Variants in VTI1A observed in about 807,000 individuals in gnomAD.
VTI1A encodes the protein vesicle transport through interaction with t-SNAREs 1A, also known as vesicle transport through interaction with t-SNAREs homolog 1A.
Under a neutral mutation model 34.9 loss-of-function variants are expected in VTI1A, and 22 were observed. The observed-to-expected ratio is 0.63, with a 90% CI of 0.45 to 0.90. The LOEUF is 0.90. VTI1A is among the 40% of genes least tolerant of loss of function. The pLI is 0.00. For synonymous variants in VTI1A, 87 were observed against 97.3 expected (o/e 0.89, Z 0.62); for missense variants, 268 against 275.6 (o/e 0.97, Z 0.20).
At chr10:112,555,471 C>G (rs1471861620) in intron 5 of VTI1A, among the ~76,000 whole-genome samples, 2 of 152,064 alleles carry the variant, frequency 1.3e-5, no homozygotes, top group African/African-American at 4.8e-5. Context: ...ATGCTTTTAA[C>G]TTCCTTGGCC....
downstream of VTI1A, among the ~76,000 whole-genome samples, chr10:112,823,021 A>T (rs1853681986): frequency 6.6e-6 from 1 of 152,174 alleles, no homozygotes; most frequent in African/African-American, 2.4e-5. Flanking sequence ...TCAAAATCAC[A>T]TTGCGATGCC....
Position 112,818,598 on chromosome 10 carries a change from G to A in VTI1A, c.*3215G>A, listed in dbSNP as rs1038330748. 4 of 220,960 alleles carry A rather than the reference G, an allele frequency of 1.8e-5. No homozygotes were observed. Among genetic ancestry groups the A allele is most frequent in the Non-Finnish European group, 3.6e-5 (4 of 110,090 alleles). The allele number at this position is 220,960 out of a possible 1,614,324, so 13.7% of individuals were successfully genotyped here. A position where few individuals can be genotyped will look rare whatever the true frequency, so the allele number is the denominator to read the frequency against. ...ACTGACAGCCGTCAGTCCCAGAGGG[G>A]CTCATTAAATCATAAAAACTTGACA... On this transcript the variant is annotated 3_prime_UTR_variant, in exon 8 of 8. Transcript: ENST00000393077.
At chr10:112,833,121 A>G in the VTI1A span, among the ~76,000 whole-genome samples, 1 of 152,260 alleles carries the variant, frequency 6.6e-6, no homozygotes, top group South Asian at 2.1e-4. Flanking sequence ...GCATGTGGCA[A>G]GAGGTCCTCT....
chr10:112,692,701 A>G (rs1384890450), intron 7 of VTI1A, among the ~76,000 whole-genome samples: 1 of 152,130 alleles, frequency 6.6e-6, no homozygotes, highest in Non-Finnish European at 1.5e-5. Flanking sequence ...CTAGCTATGC[A>G]TTTTTTCACA....
chr10:112,805,861 G>T (rs1259449299), intron 7 of VTI1A, among the ~76,000 whole-genome samples: 7 of 152,128 alleles, frequency 4.6e-5, no homozygotes, highest in African/African-American at 1.7e-4. Context: ...TTGGACTTCT[G>T]GCCTCCAGAA....
At chr10:112,838,201 CTG>C in the VTI1A span, among the ~76,000 whole-genome samples, 1 of 152,200 alleles carries the variant, frequency 6.6e-6, no homozygotes, top group South Asian at 2.1e-4. Flanking sequence ...CCCCACTGCT[CTG>C]TGTATTCTGC....
chr10:112,524,170 T>C (rs1202278055), intron 3 of VTI1A, among the ~76,000 whole-genome samples: 6 of 152,126 alleles, frequency 3.9e-5, no homozygotes, highest in Non-Finnish European at 8.8e-5. Context: ...TCTTGCAGGC[T>C]AAGTTATGGT....
chr10:112,582,893 A>G (rs1247299445), intron 5 of VTI1A, among the ~76,000 whole-genome samples: 1 of 152,120 alleles, frequency 6.6e-6, no homozygotes, highest in Non-Finnish European at 1.5e-5. Flanking sequence ...TCTTGGCTGT[A>G]AAAAACCTCC....
Position 112,447,315 on chromosome 10 carries a change from C to T in VTI1A, c.-59C>T, listed in dbSNP as rs909782969. On this transcript the variant is annotated 5_prime_UTR_variant, in exon 1 of 8. Coordinates refer to ENST00000393077, the MANE Select transcript of VTI1A (RefSeq NM_145206.4). Reference sequence around the variant, plus strand: ...CCTAAGCCGCGGGGCCCCTCGCTGCCCCTCGAGGCCCTTTCCCTGACCTAG... The same window carrying T: ...CCTAAGCCGCGGGGCCCCTCGCTGCTCCTCGAGGCCCTTTCCCTGACCTAG... 3 of 1,558,706 alleles carry T rather than the reference C, an allele frequency of 1.9e-6. No individual in the cohort carries two copies. The highest frequency in any genetic ancestry group is 1.4e-5 in the African/African-American group (1 of 73,742).
intron 7 of VTI1A, among the ~76,000 whole-genome samples, chr10:112,786,380 G>A (rs948402375): frequency 6.6e-6 from 1 of 152,114 alleles, no homozygotes; most frequent in African/African-American, 2.4e-5. Flanking sequence ...CGTCAGTTGT[G>A]AATGACAACA....
At chr10:112,717,154 A>T (rs559435777) in intron 7 of VTI1A, among the ~76,000 whole-genome samples, 66 of 152,306 alleles carry the variant, frequency 4.3e-4, no homozygotes, top group Admixed American at 1.0e-3. Context: ...CTGAGTCATG[A>T]CTGAGTTGGA....
At chr10:112,463,476 C>G (rs1471554506) in intron 2 of VTI1A, among the ~76,000 whole-genome samples, 4 of 152,122 alleles carry the variant, frequency 2.6e-5, no homozygotes, top group East Asian at 3.9e-4. Flanking sequence ...AAACCTGTTC[C>G]AGATTCCAGG....
chr10:112,498,672 A>G (rs554625007), intron 3 of VTI1A, among the ~76,000 whole-genome samples: 20 of 152,320 alleles, frequency 1.3e-4, no homozygotes, highest in Middle Eastern at 3.4e-3. Context: ...TTGATTTGCT[A>G]TTTTTGAGTT....
chr10:112,645,661 T>A (rs980921641), intron 5 of VTI1A, among the ~76,000 whole-genome samples: 2 of 152,232 alleles, frequency 1.3e-5, no homozygotes, highest in African/African-American at 4.8e-5. Context: ...TCTCAGATGA[T>A]CTAATCCAAC....
intron 1 of VTI1A, among the ~76,000 whole-genome samples, chr10:112,455,157 TCC>T (rs1378928944): frequency 3.4e-5 from 1 of 29,364 alleles, no homozygotes; most frequent in Non-Finnish European, 6.5e-5. Flanking sequence ...TCCCTCCCCT[TCC>T]CTCCTCCCCT....
At chr10:112,841,476 T>G in the VTI1A span, among the ~76,000 whole-genome samples, 1 of 152,130 alleles carries the variant, frequency 6.6e-6, no homozygotes, top group Non-Finnish European at 1.5e-5. Context: ...ACAAAGAAAT[T>G]ACCCTTGATT....
intron 7 of VTI1A, among the ~76,000 whole-genome samples, chr10:112,678,172 T>C (rs1848095550): frequency 1.3e-5 from 2 of 152,234 alleles, no homozygotes; most frequent in African/African-American, 4.8e-5. Flanking sequence ...TTTTTCTTGA[T>C]TGTGAGCCAC....
intron 5 of VTI1A, among the ~76,000 whole-genome samples, chr10:112,601,996 T>C (rs1844897387): frequency 6.6e-6 from 1 of 152,214 alleles, no homozygotes. Context: ...GAGCCATATT[T>C]TTCTGAGTGC....
intron 7 of VTI1A, among the ~76,000 whole-genome samples, chr10:112,699,016 C>T (rs1287913229): frequency 2.0e-5 from 3 of 152,278 alleles, no homozygotes; most frequent in East Asian, 3.9e-4. Context: ...ATGGGTGTGT[C>T]GTGTCACAAA....
Sources: allele counts gnomAD v4.1 joint callset (sites outside exome capture counted in the v4.1 genomes callset), GRCh38; gene constraint gnomAD v4.1.1; transcripts MANE v1.5; gene names NCBI Gene and HGNC (gene_info 2026-07-23, HGNC 2026-07-21).